Variants in LARS1 observed in about 807,000 individuals in gnomAD.
LARS1 encodes the protein leucyl-tRNA synthetase 1.
LARS1 carries 100 observed loss-of-function variants against 162.8 expected under a neutral mutation model. The observed-to-expected ratio is 0.61, with a 90% CI of 0.52 to 0.73. LARS1 has a LOEUF of 0.73. Ranked by LOEUF, LARS1 falls within the 30% of genes least tolerant of loss-of-function variation. The pLI is 0.00. For synonymous variants in LARS1, 457 were observed against 462.8 expected, an observed-to-expected ratio of 0.99 and a Z score of 0.16; for missense variants, 1,258 against 1,408.9, an observed-to-expected ratio of 0.89 and a Z score of 1.71.
chr5:146,168,395 A>G, intron 4 of LARS1, 130 bp from the exon 5 acceptor site: 1 of 873,976 alleles, frequency 1.1e-6, no homozygotes, highest in Non-Finnish European at 1.7e-6. Flanking sequence ...ATGTGGCTCC[A>G]CTACAGAAAA....
At chr5:146,143,266 A>C in intron 19 of LARS1, 146 bp downstream of exon 19, 1 of 1,044,632 alleles carries the variant, frequency 9.6e-7, no homozygotes, top group Non-Finnish European at 1.4e-6. Flanking sequence ...GCTATTTATT[A>C]ATTTTTCCCA....
At chr5:146,123,465 T>C (rs1196433708) in intron 29 of LARS1, among the ~76,000 whole-genome samples, 1 of 151,846 alleles carries the variant, frequency 6.6e-6, no homozygotes, top group Non-Finnish European at 1.5e-5. Context: ...TTATTATAAA[T>C]TGGGAGGAAA....
chr5:146,122,152 G>C (rs1196474856), intron 30 of LARS1, among the ~76,000 whole-genome samples: 1 of 151,962 alleles, frequency 6.6e-6, no homozygotes, highest in Non-Finnish European at 1.5e-5. Context: ...AGGTTTAAAA[G>C]CTCCTTTTAA....
At chr5:146,131,489 T>G (rs868397100) in intron 23 of LARS1, 23,620 of 130,588 alleles carry the variant, frequency 0.18, 3,104 homozygotes, top group Admixed American at 0.27. Context: ...TAGCCAAGTT[T>G]TTTTTTTTTT....
intron 1 of LARS1, among the ~76,000 whole-genome samples, chr5:146,178,484 C>A (rs982167731): frequency 6.6e-6 from 1 of 151,608 alleles, no homozygotes; most frequent in African/African-American, 2.4e-5. Context: ...CAAGGTGGCA[C>A]GCATCTGTAA....
At chr5:146,166,905 A>G (rs1312720598) in intron 5 of LARS1, among the ~76,000 whole-genome samples, 1 of 152,214 alleles carries the variant, frequency 6.6e-6, no homozygotes, top group African/African-American at 2.4e-5. Context: ...CGCCATCTTA[A>G]CCAAATGATC....
chr5:146,160,197 G>A (rs1165108386), intron 7 of LARS1, among the ~76,000 whole-genome samples, 177 bp downstream of exon 7: 1 of 151,986 alleles, frequency 6.6e-6, no homozygotes, highest in Non-Finnish European at 1.5e-5. Context: ...ACCATGCCTG[G>A]CTAATTTTTT....
intron 1 of LARS1, chr5:146,179,676 C>T (rs10037835): frequency 6.6e-5 from 29 of 442,488 alleles, no homozygotes; most frequent in African/African-American, 3.4e-4. Context: ...ACCAGCTCAC[C>T]GCAGCCTTGA....
chr5:146,128,986 T>C lies in LARS1; in HGVS notation c.2761A>G (p.Lys921Glu), dbSNP rs1752161532. ...LRLKNYMMPA[K>E]GKKTDKQPLQ... ...AAACAAAAAAACTTTACCTTCCCTT[T>C]AGCTGGCATCATATAGTTCTTGAGT... The change falls in exon 26 of 32, where the codon AAA (lysine) becomes GAA (glutamate). Residue 921 changes from lysine to glutamate, a missense_variant. Coordinates refer to ENST00000394434, the MANE Select transcript of LARS1 (RefSeq NM_020117.11). The C allele has an allele frequency of 6.3e-7, 1 of 1,582,344 alleles. No homozygotes were observed. Among genetic ancestry groups the C allele is most frequent in the South Asian group, 1.2e-5 (1 of 84,400 alleles).
Position 146,126,887 on chromosome 5 carries a change from C to T in LARS1, c.2881-342G>A, listed in dbSNP as rs2400210. ...TTAGTCATATTAAAATAAAAAATTA[C>T]ACAACTATCATACAAGTTTATATAA... On this transcript the variant is annotated intron_variant, in intron 27 of 31. Transcript: ENST00000394434. Among the ~76,000 whole-genome samples, 220 of 152,138 alleles carry T rather than the reference C, an allele frequency of 1.4e-3. 1 individual carries two copies. Among genetic ancestry groups the T allele is most frequent in the African/African-American group, 5.1e-3 (213 of 41,518 alleles).
chr5:146,179,070 A>G (rs1404022885), intron 1 of LARS1, among the ~76,000 whole-genome samples: 3 of 152,136 alleles, frequency 2.0e-5, no homozygotes, highest in African/African-American at 7.2e-5. Context: ...CATTTCTACT[A>G]AAAATACAAA....
At position 146,113,937 on chromosome 5, in the gene LARS1, C is replaced by G. The variant is rs878983328; in HGVS notation, c.*169G>C. The G allele has an allele frequency of 1.2e-5, 7 of 599,122 alleles. No individual in the cohort carries two copies. In the South Asian group the frequency reaches 1.6e-4, roughly 14 times the overall value. 37.1% of individuals were successfully genotyped at this position (599,122 alleles called of 1,614,324 possible). On this transcript the variant is annotated 3_prime_UTR_variant, in exon 32 of 32. Coordinates refer to ENST00000394434, the MANE Select transcript of LARS1 (RefSeq NM_020117.11). ...AAAGGGAAAAAAAATTTATTAGGTC[C>G]AGGAATCAAAGATGACTTGATAGAA...
intron 27 of LARS1, among the ~76,000 whole-genome samples, chr5:146,126,910 T>C (rs1049734662): frequency 1.3e-5 from 2 of 152,146 alleles, no homozygotes; most frequent in Non-Finnish European, 1.5e-5. Flanking sequence ...CAAGTTTATA[T>C]AATGTCTGCT....
In LARS1 at chr5:146,124,165, T is replaced by C. The variant is rs561223904; in HGVS notation, c.2992-79A>G. The C allele has an allele frequency of 1.0e-3, 900 of 878,800 alleles. 10 individuals carry two copies. The highest frequency in any genetic ancestry group is 9.5e-3 in the Middle Eastern group (43 of 4,542). 54.4% of individuals were successfully genotyped at this position (878,800 alleles called of 1,614,324 possible). On this transcript the variant is annotated intron_variant, in intron 28 of 31. Transcript: ENST00000394434. ...AACATACTTCCTCCAAAGTAATCAT[T>C]CTTCTCTCAACTGATAAAATCTTCA...
chr5:146,173,318 ACTCCAGCC>A (rs1410719875), intron 2 of LARS1, among the ~76,000 whole-genome samples: 1 of 151,580 alleles, frequency 6.6e-6, no homozygotes, highest in African/African-American at 2.4e-5. Flanking sequence ...ATGCCACTGC[ACTCCAGCC>A]TGGGCGAAAA....
At chr5:146,155,922 C>A (rs200806773) in intron 10 of LARS1, among the ~76,000 whole-genome samples, 1 of 152,108 alleles carries the variant, frequency 6.6e-6, no homozygotes, top group Non-Finnish European at 1.5e-5. Context: ...ATTCAAATAT[C>A]CATTAATAGA....
chr5:146,150,580 T>A (rs181722693), intron 14 of LARS1, among the ~76,000 whole-genome samples: 1 of 144,574 alleles, frequency 6.9e-6, no homozygotes, highest in Non-Finnish European at 1.5e-5. Context: ...TGAGCCAAGA[T>A]TGAGCCACTC....
chr5:146,147,935 G>C (rs1452079022), intron 15 of LARS1, among the ~76,000 whole-genome samples: 1 of 152,104 alleles, frequency 6.6e-6, no homozygotes. Flanking sequence ...GGGGAAACAA[G>C]TTAGTTACAA....
intron 5 of LARS1, 147 bp from the exon 6 acceptor site, chr5:146,164,618 T>TA: frequency 1.4e-5 from 11 of 801,350 alleles, no homozygotes; most frequent in Non-Finnish European, 2.2e-5. Flanking sequence ...GTACTATTAG[T>TA]CTGTACTAAA....
Sources: gnomAD v4.1 joint callset for allele counts (sites outside exome capture counted in the v4.1 genomes callset) on GRCh38, gnomAD v4.1.1 for gene constraint, MANE v1.5 for transcripts, NCBI Gene and HGNC (gene_info 2026-07-23, HGNC 2026-07-21) for gene names.